Variants in HMGB1 observed in about 807,000 individuals in gnomAD.
HMGB1 encodes the protein high mobility group protein B1.
For synonymous variants in HMGB1, 81 were observed against 84.0 expected, an observed-to-expected ratio of 0.96 and a Z score of 0.19; for missense variants, 79 against 253.5, an observed-to-expected ratio of 0.31 and a Z score of 4.67.
intron 1 of HMGB1, among the ~76,000 whole-genome samples, chr13:30,502,755 A>C (rs144485975): frequency 5.3e-4 from 81 of 151,976 alleles, no homozygotes; most frequent in African/African-American, 1.9e-3. Context: ...ACCTCACTGC[A>C]ACCTCTGCCT....
intron 1 of HMGB1, among the ~76,000 whole-genome samples, chr13:30,563,742 A>G (rs1033842467): frequency 6.6e-6 from 1 of 152,258 alleles, no homozygotes; most frequent in African/African-American, 2.4e-5. Context: ...GAAGTAACCT[A>G]GGACCTTCAT....
chr13:30,549,698 A>T (rs1188639194), intron 1 of HMGB1, among the ~76,000 whole-genome samples: 1 of 129,204 alleles, frequency 7.7e-6, no homozygotes, highest in Non-Finnish European at 1.7e-5. Context: ...CCTGGCACAA[A>T]CACTAATTGT....
At chr13:30,606,159 T>C (rs900660434) in intron 1 of HMGB1, among the ~76,000 whole-genome samples, 11 of 152,224 alleles carry the variant, frequency 7.2e-5, no homozygotes, top group African/African-American at 2.7e-4. Flanking sequence ...TTTGACTGAT[T>C]ATGTCATGCC....
intron 1 of HMGB1, among the ~76,000 whole-genome samples, chr13:30,568,246 T>C (rs1870275471): frequency 6.6e-6 from 1 of 152,096 alleles, no homozygotes; most frequent in Non-Finnish European, 1.5e-5. Context: ...GTGGTGTGCA[T>C]GTGTAGTCCC....
At chr13:30,528,755 G>A (rs1490734500) in intron 1 of HMGB1, among the ~76,000 whole-genome samples, 4 of 152,038 alleles carry the variant, frequency 2.6e-5, no homozygotes, top group African/African-American at 7.2e-5. Flanking sequence ...GGGGCCGGGC[G>A]CGGTGGCTCA....
rs981630783 is a variant in HMGB1 at position 30,516,352 on chromosome 13, A to AT, written c.-14-52659dup. On this transcript the variant is annotated intron_variant, in intron 1 of 4. Coordinates refer to the HMGB1 transcript ENST00000405805. ...TATGGACTATAGTAACTTTTCACTA[A>AT]TTTTTTTTTACTTGAGTCAACAAAT... 3.1e-3 allele frequency among the ~76,000 whole-genome samples: 476 copies of AT among 151,638 alleles called. 1 individual carries two copies. The highest frequency in any genetic ancestry group is 0.011 in the African/African-American group (464 of 41,388).
At chr13:30,467,198 A>G (rs772565699), upstream of HMGB1, among the ~76,000 whole-genome samples, 2 of 152,150 alleles carry the variant, frequency 1.3e-5, no homozygotes, top group Non-Finnish European at 2.9e-5. Context: ...CCACGCCCCT[A>G]TTCAGTTATA....
chr13:30,588,774 G>A (rs926192394), intron 1 of HMGB1, among the ~76,000 whole-genome samples: 6 of 151,768 alleles, frequency 4.0e-5, no homozygotes, highest in African/African-American at 9.7e-5. Context: ...GAAATTAGCC[G>A]TGAATGATGG....
intron 1 of HMGB1, chr13:30,616,663 AAACT>A (rs1274108768): frequency 8.5e-5 from 13 of 152,344 alleles, no homozygotes; most frequent in African/African-American, 2.9e-4. Context: ...AAAGGTAAAC[AAACT>A]AACCAGCCTA....
intron 1 of HMGB1, among the ~76,000 whole-genome samples, chr13:30,560,934 T>C (rs1869922444): frequency 6.6e-6 from 1 of 150,910 alleles, no homozygotes; most frequent in East Asian, 2.1e-4. Context: ...GGCTACAGGT[T>C]ATATATGTTT....
At chr13:30,612,391 A>AAAGG (rs965112597) in intron 1 of HMGB1, among the ~76,000 whole-genome samples, 1 of 152,192 alleles carries the variant, frequency 6.6e-6, no homozygotes, top group Admixed American at 6.5e-5. Flanking sequence ...TATGTAAAGA[A>AAAGG]AAGGGGACTA....
chr13:30,464,284 CGTTTCCTATCG>C (rs1886565654), intron 1 of HMGB1: 1 of 985,410 alleles, frequency 1.0e-6, no homozygotes, highest in Non-Finnish European at 1.2e-6. Flanking sequence ...GAGGCAGCCT[CGTTTCCTATCG>C]GTTTGGCCCT....
chr13:30,546,461 T>C (rs1238858300), intron 1 of HMGB1, among the ~76,000 whole-genome samples: 2 of 152,124 alleles, frequency 1.3e-5, no homozygotes, highest in Non-Finnish European at 2.9e-5. Context: ...AACTACACTG[T>C]TGAGGAGGGA....
intron 1 of HMGB1, chr13:30,464,156 AT>A: frequency 3.2e-6 from 3 of 926,770 alleles, no homozygotes; most frequent in Non-Finnish European, 3.8e-6. Flanking sequence ...AAAAAAAAAA[AT>A]CACCGTGCAC....
At chr13:30,485,387 T>C (rs1411092651) in intron 1 of HMGB1, among the ~76,000 whole-genome samples, 1 of 152,096 alleles carries the variant, frequency 6.6e-6, no homozygotes, top group East Asian at 1.9e-4. Flanking sequence ...ACTTATAACA[T>C]AGGAAGGCAA....
chr13:30,581,529 G>T (rs190125833), intron 1 of HMGB1, among the ~76,000 whole-genome samples: 1 of 152,340 alleles, frequency 6.6e-6, no homozygotes, highest in East Asian at 1.9e-4. Flanking sequence ...GGCTAACAAA[G>T]ACTAAAATAC....
chr13:30,517,692 G>C (rs1888131324), intron 1 of HMGB1, among the ~76,000 whole-genome samples: 4 of 152,122 alleles, frequency 2.6e-5, no homozygotes, highest in Admixed American at 2.6e-4. Flanking sequence ...CCTGGCCTCT[G>C]AGAGCCTTCT....
intron 1 of HMGB1, among the ~76,000 whole-genome samples, chr13:30,609,349 C>T (rs1292918155): frequency 1.3e-5 from 2 of 152,130 alleles, no homozygotes; most frequent in Admixed American, 1.3e-4. Context: ...AATATAGATG[C>T]CCAGGCCCCA....
chr13:30,581,294 C>A (rs1242017613), intron 1 of HMGB1, among the ~76,000 whole-genome samples: 1 of 152,198 alleles, frequency 6.6e-6, no homozygotes, highest in Non-Finnish European at 1.5e-5. Flanking sequence ...CCATAAATAG[C>A]ACTTTTCTCA....
Sources: allele counts gnomAD v4.1 joint callset (sites outside exome capture counted in the v4.1 genomes callset), GRCh38; gene constraint gnomAD v4.1.1; transcripts MANE v1.5; gene names NCBI Gene and HGNC (gene_info 2026-07-23, HGNC 2026-07-21).